The following CHN2 variants were observed in gnomAD, a reference collection of about 807,000 sequenced individuals.
CHN2 encodes the protein beta-chimaerin.
In CHN2, 35 loss-of-function variants were observed where a neutral mutation model predicts 56.3. The observed-to-expected ratio is 0.62, with a 90% CI of 0.47 to 0.82. The LOEUF (loss-of-function observed/expected upper bound fraction) is 0.82, where lower values mean the gene tolerates loss of function less well. CHN2 is among the 40% of genes least tolerant of loss of function. The pLI, the probability that CHN2 is intolerant of heterozygous loss-of-function variation, is 0.00. For missense variants in CHN2, 491 were observed against 580.5 expected, an observed-to-expected ratio of 0.85 and a Z score of 1.58; for synonymous variants, 210 against 212.8, an observed-to-expected ratio of 0.99 and a Z score of 0.12.
chr7:29,194,796 A>C lies in CHN2; in HGVS notation c.-146A>C, dbSNP rs1033913008. 9 of 585,362 alleles carry C rather than the reference A, an allele frequency of 1.5e-5. No homozygotes were observed. The Admixed American group carries it at 2.7e-4, about 17-fold the overall frequency. The allele number at this position is 585,362 out of a possible 1,614,324, so 36.3% of individuals were successfully genotyped here. A position where few individuals can be genotyped will look rare whatever the true frequency, so the allele number is the denominator to read the frequency against. On this transcript the variant is annotated 5_prime_UTR_variant, in exon 1 of 13. Coordinates refer to ENST00000222792, the MANE Select transcript of CHN2 (RefSeq NM_004067.4). Reference sequence around the variant, plus strand: ...ATCTGGTGGAGCAGGAAGTGCAGGCAGAGTCCGGAGGCTGGTGCTTTCTGC... The same window carrying C: ...ATCTGGTGGAGCAGGAAGTGCAGGCCGAGTCCGGAGGCTGGTGCTTTCTGC...
At chr7:29,505,947 AC>A (rs1790515200) in intron 10 of CHN2, among the ~76,000 whole-genome samples, 11 of 152,186 alleles carry the variant, frequency 7.2e-5, no homozygotes, top group Admixed American at 5.9e-4. Context: ...CTATGCTTTT[AC>A]TGTTTTCTAT....
At chr7:29,257,813 G>A (rs1484352897) in intron 1 of CHN2, among the ~76,000 whole-genome samples, 1 of 151,952 alleles carries the variant, frequency 6.6e-6, no homozygotes, top group Non-Finnish European at 1.5e-5. Flanking sequence ...TTTGAGACGG[G>A]GTCTCACTCT....
At chr7:29,366,766 T>G (rs1346755337) in intron 2 of CHN2, among the ~76,000 whole-genome samples, 1 of 152,190 alleles carries the variant, frequency 6.6e-6, no homozygotes, top group Non-Finnish European at 1.5e-5. Context: ...AAGGGTTAGA[T>G]AGCTCCTTCT....
intron 6 of CHN2, among the ~76,000 whole-genome samples, chr7:29,473,829 T>TA (rs2128532376): frequency 6.6e-6 from 1 of 152,218 alleles, no homozygotes; most frequent in East Asian, 1.9e-4. Flanking sequence ...TCTTCCCCTG[T>TA]AAAAGGTGGA....
rs562428302 is a variant in CHN2 at position 29,444,191 on chromosome 7, C to G, written c.577-36088C>G. On this transcript the variant is annotated intron_variant, in intron 6 of 12. Coordinates refer to ENST00000222792, the MANE Select transcript of CHN2 (RefSeq NM_004067.4). Reference sequence around the variant, plus strand: ...TGTAAATATTGGAAGTCTATATATGCATACCTTTTTTATATTTCAGAATAA... The same window carrying G: ...TGTAAATATTGGAAGTCTATATATGGATACCTTTTTTATATTTCAGAATAA... Among the ~76,000 whole-genome samples, 45 of 152,328 alleles carry G rather than the reference C, an allele frequency of 3.0e-4. No homozygotes were observed. In the South Asian group the frequency reaches 8.9e-3, roughly 30 times the overall value.
At chr7:29,325,945 CTGTGT>C (rs1413326702) in intron 1 of CHN2, among the ~76,000 whole-genome samples, 3 of 152,210 alleles carry the variant, frequency 2.0e-5, no homozygotes, top group Non-Finnish European at 2.9e-5. Context: ...TCTGAGACCT[CTGTGT>C]CCTTCTCTAT....
Position 29,309,331 on chromosome 7 carries a change from TA to T in CHN2, c.50-45292del, listed in dbSNP as rs572051765. On this transcript the variant is annotated intron_variant, in intron 1 of 12. Coordinates refer to ENST00000222792, the MANE Select transcript of CHN2 (RefSeq NM_004067.4). The stretch of plus-strand genomic sequence containing the variant: ...CAGTGCTCTCCTTATTTGGGTTGAT[TA>T]ATTCTGCTCTTGTATTTCTGAGAAA... 3.5e-3 allele frequency among the ~76,000 whole-genome samples: 535 copies of T among 152,262 alleles called. 1 individual carries two copies. Among genetic ancestry groups the T allele is most frequent in the Middle Eastern group, 6.8e-3 (2 of 294 alleles).
chr7:29,479,633 A>T, intron 6 of CHN2: 1 of 1,012,540 alleles, frequency 9.9e-7, no homozygotes, highest in Non-Finnish European at 1.2e-6. Flanking sequence ...TCAGCCCAGG[A>T]TGGGGTTCAG....
intron 7 of CHN2, 75 bp from the exon 8 acceptor site, chr7:29,495,877 C>A: frequency 8.0e-7 from 1 of 1,251,728 alleles, no homozygotes; most frequent in Non-Finnish European, 1.2e-6. Context: ...TGCTGATCTT[C>A]ATTGACATGT....
At chr7:29,441,260 T>A (rs1339734853) in intron 6 of CHN2, among the ~76,000 whole-genome samples, 4 of 152,190 alleles carry the variant, frequency 2.6e-5, no homozygotes, top group Admixed American at 2.0e-4. Flanking sequence ...GAGATCCTCA[T>A]ACAAAATAAT....
chr7:29,431,371 C>T (rs549283689), intron 6 of CHN2, among the ~76,000 whole-genome samples: 5 of 152,176 alleles, frequency 3.3e-5, no homozygotes, highest in East Asian at 1.9e-4. Flanking sequence ...CGGCTAACTT[C>T]GGGAGGGTGC....
At chr7:29,321,547 T>C (rs926626659) in intron 1 of CHN2, among the ~76,000 whole-genome samples, 1 of 149,616 alleles carries the variant, frequency 6.7e-6, no homozygotes, top group African/African-American at 2.4e-5. Context: ...GAACCGTCTT[T>C]TCTTTTCTTT....
chr7:29,374,300 G>A (rs77929419), intron 3 of CHN2, among the ~76,000 whole-genome samples: 3,811 of 152,090 alleles, frequency 0.025, 172 homozygotes, highest in African/African-American at 0.087. Flanking sequence ...ACCTGATGTA[G>A]TACAGGGGAA....
chr7:29,273,255 C>T (rs1277469414), intron 1 of CHN2, among the ~76,000 whole-genome samples: 1 of 148,668 alleles, frequency 6.7e-6, no homozygotes, highest in Non-Finnish European at 1.5e-5. Context: ...TACATAATGT[C>T]TTCTTGGTCC....
intron 1 of CHN2, among the ~76,000 whole-genome samples, chr7:29,276,939 C>T (rs970359220): frequency 7.9e-5 from 12 of 152,236 alleles, no homozygotes; most frequent in African/African-American, 2.4e-4. Context: ...TAAATGAATA[C>T]GCAAGAAGGG....
rs534734943 is a variant in CHN2 at position 29,174,333 on chromosome 7, G to A, written c.274+27373G>A. Among the ~76,000 whole-genome samples the A allele has an allele frequency of 1.9e-4, 29 of 152,264 alleles. 1 individual carries two copies. The South Asian group carries it at 5.8e-3, about 31-fold the overall frequency. On this transcript the variant is annotated intron_variant, in intron 2 of 6. Transcript: ENST00000439384. Reference sequence around the variant, plus strand: ...TATGCAGGCACATATCTGCTTCTGGGGAAAGGACAGAAGCAAAAGTCATCA... The same window carrying A: ...TATGCAGGCACATATCTGCTTCTGGAGAAAGGACAGAAGCAAAAGTCATCA...
intron 1 of CHN2, among the ~76,000 whole-genome samples, chr7:29,219,679 A>G (rs907962976): frequency 6.6e-6 from 1 of 152,240 alleles, no homozygotes; most frequent in African/African-American, 2.4e-5. Context: ...AAATATATAT[A>G]CCATGCATAA....
chr7:29,322,184 T>C (rs1030595399), intron 1 of CHN2, among the ~76,000 whole-genome samples: 4 of 152,200 alleles, frequency 2.6e-5, no homozygotes, highest in Admixed American at 2.6e-4. Flanking sequence ...CCAAATGGCT[T>C]TTCTCACATC....
intron 3 of CHN2, among the ~76,000 whole-genome samples, chr7:29,381,824 A>T (rs1800535870): frequency 6.7e-6 from 1 of 149,600 alleles, no homozygotes; most frequent in African/African-American, 2.4e-5. Context: ...AAAAAAAAAA[A>T]AAAAAAAAAA....
Sources: gnomAD v4.1 joint callset for allele counts (sites outside exome capture counted in the v4.1 genomes callset) on GRCh38, gnomAD v4.1.1 for gene constraint, MANE v1.5 for transcripts, NCBI Gene and HGNC (gene_info 2026-07-23, HGNC 2026-07-21) for gene names.